ROGDI: variants seen among roughly 807,000 people sequenced by gnomAD.
ROGDI encodes rogdi atypical leucine zipper, also known as protein rogdi homolog.
In ROGDI, 46 loss-of-function variants were observed where a neutral mutation model predicts 43.1. That is an observed-to-expected ratio of 1.07 (90% confidence interval 0.84 to 1.37). The LOEUF (loss-of-function observed/expected upper bound fraction) is 1.37. Ranked by LOEUF, ROGDI falls within the 40% of genes most tolerant of loss-of-function variation. ROGDI has a pLI of 0.00. For missense variants in ROGDI, 518 were observed against 383.9 expected, an observed-to-expected ratio of 1.35 and a Z score of -2.92; for synonymous variants, 243 against 162.0, an observed-to-expected ratio of 1.50 and a Z score of -3.80.
At position 4,797,238 on chromosome 16, in the gene ROGDI, T is replaced by C. The variant is rs2082661165; in HGVS notation, c.*222A>G. The stretch of plus-strand genomic sequence containing the variant: ...GCGGTGTTGGGAATGTGGGACACCC[T>C]TGGCCCCGCCTCCCTGACCTCCCCA... On this transcript the variant is annotated 3_prime_UTR_variant, in exon 11 of 11. Coordinates refer to ENST00000322048, the MANE Select transcript of ROGDI (RefSeq NM_024589.3). 3 of 539,640 alleles carry C rather than the reference T, an allele frequency of 5.6e-6. No homozygotes were observed. Among genetic ancestry groups the C allele is most frequent in the Non-Finnish European group, 9.9e-6 (3 of 301,630 alleles). 33.4% of individuals were successfully genotyped at this position (539,640 alleles called of 1,614,324 possible).
Position 4,802,572 on chromosome 16 carries a change from G to T in ROGDI, c.-1C>A. 7.7e-7 allele frequency: 1 copy of T among 1,305,004 alleles called. No individual in the cohort carries two copies. Among genetic ancestry groups the T allele is most frequent in the Non-Finnish European group, 9.8e-7 (1 of 1,019,308 alleles). 80.8% of individuals were successfully genotyped at this position (1,305,004 alleles called of 1,614,324 possible). A position where few individuals can be genotyped will look rare whatever the true frequency, so the allele number is the denominator to read the frequency against. ...CCGTCGCTGCCATCACGGTGGCCAT[G>T]GCCGCAGGCCGCCGCCGAGCGCCCT... On this transcript the variant is annotated 5_prime_UTR_variant, in exon 1 of 11. Coordinates refer to ENST00000322048, the MANE Select transcript of ROGDI (RefSeq NM_024589.3).
chr16:4,801,345 G>C (rs1320153998), intron 3 of ROGDI, 24 bp from the exon 4 acceptor site: 1 of 1,596,880 alleles, frequency 6.3e-7, no homozygotes, highest in Non-Finnish European at 8.6e-7. Flanking sequence ...CGTCAGAGCG[G>C]TGCCTGTGGT....
At position 4,797,504 on chromosome 16, in the gene ROGDI, G is replaced by A. The variant is rs951093481; in HGVS notation, c.823-3C>T. On this transcript the variant is annotated splice_region_variant and splice_polypyrimidine_tract_variant and intron_variant, in intron 10 of 10. Transcript: ENST00000322048. Reference sequence around the variant, plus strand: ...CAGTAGCTGGAGAACACGGAGATCTGCAAGGGGAGAGGGTGCTGTAGGTTG... The same window carrying A: ...CAGTAGCTGGAGAACACGGAGATCTACAAGGGGAGAGGGTGCTGTAGGTTG... 1.6e-5 allele frequency: 26 copies of A among 1,613,092 alleles called. No homozygotes were observed. The highest frequency in any genetic ancestry group is 1.7e-6 in the Non-Finnish European group (2 of 1,179,476).
chr16:4,797,735 G>A lies in ROGDI; in HGVS notation c.801C>T (p.Leu267=), dbSNP rs752844190. 2.2e-6 allele frequency: 3 copies of A among 1,391,570 alleles called. No homozygotes were observed. The Admixed American group carries it at 6.8e-5, about 32-fold the overall frequency. The allele number at this position is 1,391,570 out of a possible 1,614,324, so 86.2% of individuals were successfully genotyped here. ...CCACCTTGTCCTTGAGCTGCTGGCA[G>A]AGCTGCAGGGAGACGGTGAAGTAGA... ...ALVYFTVSLQ[L]CQQLKDKISV... Residue 267 remains leucine, a synonymous_variant, in exon 10 of 11, where the codon CTC becomes CTT. Coordinates refer to ENST00000322048, the MANE Select transcript of ROGDI (RefSeq NM_024589.3).
intron 3 of ROGDI, 31 bp downstream of exon 3, chr16:4,801,472 T>C: frequency 1.3e-6 from 2 of 1,586,646 alleles, no homozygotes; most frequent in Non-Finnish European, 8.6e-7. Context: ...AAGGTACCCA[T>C]TTCCCCGGTT....
rs369469617 is a variant in ROGDI, at chr16:4,799,247, G to A, written c.432+439C>T. Among the ~76,000 whole-genome samples the A allele has an allele frequency of 1.6e-3, 248 of 152,196 alleles. 1 individual carries two copies. Among genetic ancestry groups the A allele is most frequent in the Non-Finnish European group, 2.8e-3 (190 of 67,980 alleles). ...AGAGCTGACTGGGGGTATAGGGCCT[G>A]TAGCACCCTAGGGTGGTTACAGTTC... is the stretch of plus-strand genomic sequence containing the variant. On this transcript the variant is annotated intron_variant, in intron 6 of 10. Transcript: ENST00000322048.
At chr16:4,802,478 G>A in intron 1 of ROGDI, 25 bp from the exon 2 acceptor site, 2 of 1,224,184 alleles carry the variant, frequency 1.6e-6, no homozygotes, top group Non-Finnish European at 2.0e-6. Context: ...CGGCGGTCGC[G>A]CCCGGCCCCG....
At chr16:4,801,162 T>A in intron 4 of ROGDI, 105 bp downstream of exon 4, 1 of 924,362 alleles carries the variant, frequency 1.1e-6, no homozygotes, top group Non-Finnish European at 1.6e-6. Context: ...GCCAGAGAGA[T>A]CAAGGGTCCC....
At position 4,798,655 on chromosome 16, in the gene ROGDI, C is replaced by G. The variant is rs1248019368; in HGVS notation, c.445G>C (p.Val149Leu). The G allele has an allele frequency of 6.4e-7, 1 of 1,567,488 alleles. No homozygotes were observed. ...GAEVLKLMDA[V>L]MLQLTRARNR... is the part of the protein sequence containing the mutation. ...CGGGCTCTGGTCAGCTGCAGCATCA[C>G]TGCGTCCATCAGCTGCAGGGAGAGG... Residue 149 changes from valine to leucine, a missense_variant, in exon 7 of 11, where the codon GTG becomes CTG. Val to Leu is a conservative substitution (Grantham distance 32, BLOSUM62 1). Transcript: ENST00000322048.
intron 4 of ROGDI, 95 bp from the exon 5 acceptor site, chr16:4,800,673 T>A: frequency 9.4e-7 from 1 of 1,068,584 alleles, no homozygotes; most frequent in Non-Finnish European, 1.4e-6. Context: ...ATGGGGTGTG[T>A]GGTGGTTCAG....
intron 5 of ROGDI, 85 bp downstream of exon 5, chr16:4,800,413 C>A (rs144111721): frequency 0.014 from 15,266 of 1,079,310 alleles, 159 homozygotes; most frequent in Non-Finnish European, 0.017. Context: ...ATCCCCAGGG[C>A]TAGTCCCTCT....
chr16:4,800,609 G>GT, intron 4 of ROGDI, 31 bp from the exon 5 acceptor site: 1 of 1,522,054 alleles, frequency 6.6e-7, no homozygotes. Context: ...GAGCTGGGCA[G>GT]TGGGGGGGCA....
intron 7 of ROGDI, 135 bp from the exon 8 acceptor site, chr16:4,798,319 G>A (rs988427484): frequency 1.4e-5 from 11 of 811,628 alleles, no homozygotes; most frequent in Admixed American, 4.4e-5. Context: ...ATCAATGGGG[G>A]CTTCCAGACT....
chr16:4,802,449 T>G lies in ROGDI; in HGVS notation c.50A>C (p.Glu17Ala). 7.1e-7 allele frequency: 1 copy of G among 1,417,902 alleles called. No homozygotes were observed. Among genetic ancestry groups the G allele is most frequent in the Non-Finnish European group, 9.2e-7 (1 of 1,089,638 alleles). 87.8% of individuals were successfully genotyped at this position (1,417,902 alleles called of 1,614,324 possible). The change falls in exon 2 of 11, where the codon GAG (glutamate) becomes GCG (alanine). Residue 17 changes from glutamate (E) to alanine (A), a missense_variant. Physicochemically the swap from Glu to Ala is moderately radical, Grantham distance 107. Coordinates refer to ENST00000322048, the MANE Select transcript of ROGDI (RefSeq NM_024589.3). ...GTCGTGCAGCAGCCAGCGGAACTCCTCCTCCTGCGGGACAGACCCGGCGGT... is the reference window on the plus strand; with the variant it reads ...GTCGTGCAGCAGCCAGCGGAACTCCGCCTCCTGCGGGACAGACCCGGCGGT... The part of the protein sequence containing the change: ...ATAAERAVLE[E>A]EFRWLLHDEV...
intron 4 of ROGDI, 164 bp downstream of exon 4, chr16:4,801,103 C>T (rs995769430): frequency 1.7e-6 from 1 of 580,496 alleles, no homozygotes; most frequent in Non-Finnish European, 3.0e-6. Context: ...ACACCGATCC[C>T]GGGAGAAGGT....
At chr16:4,800,977 G>A (rs1200096727) in intron 4 of ROGDI, 2 of 508,228 alleles carry the variant, frequency 3.9e-6, no homozygotes, top group South Asian at 3.0e-5. Flanking sequence ...GGCATTGGCT[G>A]ATTCAACTGT....
At position 4,799,719 on chromosome 16, in the gene ROGDI, G is replaced by A. The variant is rs759792214; in HGVS notation, c.399C>T (p.Ser133=). ...AIYLLTSRDQ[S]YQFKTGAEVL... is the part of the protein sequence containing the mutation. The stretch of plus-strand genomic sequence containing the variant: ...CCTCAGCGCCCGTCTTGAACTGGTA[G>A]CTCTGGTCCCGGCTGGTAAGCAGGT... Residue 133 remains serine, a synonymous_variant, in exon 6 of 11, where the codon AGC becomes AGT. Coordinates refer to ENST00000322048, the MANE Select transcript of ROGDI (RefSeq NM_024589.3). The A allele has an allele frequency of 7.4e-6, 12 of 1,613,636 alleles. No individual in the cohort carries two copies. The South Asian group carries it at 9.9e-5, about 13-fold the overall frequency.
Position 4,797,311 on chromosome 16 carries a change from A to T in ROGDI, c.*149T>A. On this transcript the variant is annotated 3_prime_UTR_variant, in exon 11 of 11. Coordinates refer to ENST00000322048, the MANE Select transcript of ROGDI (RefSeq NM_024589.3). ...CTTCCTCCTGGCACTTCCAGTGTCC[A>T]TTCCCGGCAGTGCAAATGTGTTAGG... is the stretch of plus-strand genomic sequence containing the variant. The T allele has an allele frequency of 1.4e-6, 1 of 713,306 alleles. No homozygotes were observed. The highest frequency in any genetic ancestry group is 2.3e-6 in the Non-Finnish European group (1 of 434,030). 44.2% of individuals were successfully genotyped at this position (713,306 alleles called of 1,614,324 possible).
chr16:4,801,179 A>G, intron 4 of ROGDI, 88 bp downstream of exon 4: 1 of 1,111,774 alleles, frequency 9.0e-7, no homozygotes. Context: ...TCCCGCCCAG[A>G]GTCGCAGGGC....
Sources: allele counts gnomAD v4.1 joint callset (sites outside exome capture counted in the v4.1 genomes callset), GRCh38; gene constraint gnomAD v4.1.1; transcripts MANE v1.5; gene names NCBI Gene and HGNC (gene_info 2026-07-23, HGNC 2026-07-21).